EIF2AK1: variants seen among roughly 807,000 people sequenced by gnomAD.
EIF2AK1 encodes the protein eukaryotic translation initiation factor 2 alpha kinase 1.
In EIF2AK1, 54 loss-of-function variants were observed where a neutral mutation model predicts 77.9. The observed-to-expected ratio is 0.69, with a 90% CI of 0.56 to 0.87. The LOEUF (loss-of-function observed/expected upper bound fraction) is 0.87, where lower values mean the gene tolerates loss of function less well. EIF2AK1 is among the 40% of genes least tolerant of loss of function. The pLI is 0.00. For synonymous variants in EIF2AK1, 314 were observed against 290.5 expected, an observed-to-expected ratio of 1.08 and a Z score of -0.82; for missense variants, 810 against 768.6, an observed-to-expected ratio of 1.05 and a Z score of -0.64.
Position 6,046,083 on chromosome 7 carries a change from T to C in EIF2AK1, c.618A>G (p.Thr206=). ...TTAAAAATCATACCTTCATGCAAACTGTTTTAGTTGCACCCTTAATCAGGA... is the reference window on the plus strand; with the variant it reads ...TTAAAAATCATACCTTCATGCAAACCGTTTTAGTTGCACCCTTAATCAGGA... ...KKILIKGATK[T]VCMKVLREVK... Residue 206 remains threonine, a synonymous_variant, in exon 6 of 15, where the codon ACA becomes ACG. Coordinates refer to ENST00000199389, the MANE Select transcript of EIF2AK1 (RefSeq NM_014413.4). 1 of 1,549,424 alleles carries C rather than the reference T, an allele frequency of 6.5e-7. No homozygotes were observed. The highest frequency in any genetic ancestry group is 8.7e-7 in the Non-Finnish European group (1 of 1,144,604).
chr7:6,040,363 G>C (rs528788822), intron 9 of EIF2AK1, among the ~76,000 whole-genome samples: 1 of 152,064 alleles, frequency 6.6e-6, no homozygotes, highest in Non-Finnish European at 1.5e-5. Context: ...TAATGTTCAT[G>C]TTTTTAATAT....
At chr7:6,034,170 G>T (rs1047159255) in intron 11 of EIF2AK1, among the ~76,000 whole-genome samples, 5 of 152,034 alleles carry the variant, frequency 3.3e-5, no homozygotes, top group Non-Finnish European at 7.4e-5. Context: ...AGCCAGGCGT[G>T]GTGGCGGGCG....
Position 6,035,633 on chromosome 7 carries a change from A to C in EIF2AK1, c.1332+1791T>G, listed in dbSNP as rs1037936740. Reference sequence around the variant, plus strand: ...ACACTCAAGGGGAAATCAGCAACAAACGTTCACCACTCCACCTGGCCATAG... The same window carrying C: ...ACACTCAAGGGGAAATCAGCAACAACCGTTCACCACTCCACCTGGCCATAG... On this transcript the variant is annotated intron_variant, in intron 11 of 14. Coordinates refer to ENST00000199389, the MANE Select transcript of EIF2AK1 (RefSeq NM_014413.4). The surrounding 1 kb of genome is among the most constrained non-coding windows in gnomAD (Gnocchi z 5.5). The C allele has an allele frequency of 6.4e-6, 10 of 1,550,592 alleles. No individual in the cohort carries two copies. Among genetic ancestry groups the C allele is most frequent in the East Asian group, 2.4e-5 (1 of 40,922 alleles).
rs905817552 is a variant in EIF2AK1 at position 6,035,939 on chromosome 7, A to G, written c.1332+1485T>C. The G allele has an allele frequency of 5.6e-5, 87 of 1,547,734 alleles. No individual in the cohort carries two copies. The highest frequency in any genetic ancestry group is 7.2e-5 in the Non-Finnish European group (82 of 1,145,130). ...GTCTGCTACTCACTCACGGAGCCAA[A>G]GTCAACGCCCAGGACTACAAGGGCC... is the stretch of plus-strand genomic sequence containing the variant. On this transcript the variant is annotated intron_variant, in intron 11 of 14. Coordinates refer to ENST00000199389, the MANE Select transcript of EIF2AK1 (RefSeq NM_014413.4). This position sits in a 1 kb window ranked among gnomAD's most constrained non-coding sequence, Gnocchi z 5.5.
chr7:6,052,885 C>G (rs12668872), intron 2 of EIF2AK1, among the ~76,000 whole-genome samples: 13,456 of 151,988 alleles, frequency 0.089, 734 homozygotes, highest in African/African-American at 0.15. Flanking sequence ...ATCACTTGAA[C>G]CCGGGGGGCG....
intron 9 of EIF2AK1, among the ~76,000 whole-genome samples, chr7:6,039,724 C>A (rs909784812): frequency 4.0e-5 from 6 of 150,970 alleles, no homozygotes; most frequent in Non-Finnish European, 8.8e-5. Flanking sequence ...CACCTGAGGT[C>A]AGGACTTTGA....
At position 6,035,638 on chromosome 7, in the gene EIF2AK1, C is replaced by G; in HGVS notation, c.1332+1786G>C. 6.4e-7 allele frequency: 1 copy of G among 1,550,704 alleles called. No homozygotes were observed. Among genetic ancestry groups the G allele is most frequent in the East Asian group, 2.4e-5 (1 of 40,914 alleles). ...CAAGGGGAAATCAGCAACAAACGTT[C>G]ACCACTCCACCTGGCCATAGCATAT... On this transcript the variant is annotated intron_variant, in intron 11 of 14. Transcript: ENST00000199389. This position sits in a 1 kb window ranked among gnomAD's most constrained non-coding sequence, Gnocchi z 5.5.
At chr7:6,049,162 C>T (rs1164575533) in intron 3 of EIF2AK1, among the ~76,000 whole-genome samples, 2 of 152,264 alleles carry the variant, frequency 1.3e-5, no homozygotes, top group Admixed American at 6.5e-5. Flanking sequence ...CCATTCGCAA[C>T]ACAGCAGCCA....
intron 11 of EIF2AK1, among the ~76,000 whole-genome samples, 198 bp downstream of exon 11, chr7:6,037,226 G>A (rs537561146): frequency 4.0e-5 from 6 of 149,950 alleles, no homozygotes; most frequent in Admixed American, 3.3e-4. Context: ...GCGAAATGCT[G>A]TCTCAAAAAA....
In EIF2AK1 at chr7:6,027,834, G is replaced by A. The variant is rs1583474894; in HGVS notation, c.1530+781C>T. The stretch of plus-strand genomic sequence containing the variant: ...AATCCCAGCACTTTGGGAGGCCAAG[G>A]GAGGAGAATCATTTGAGGCCAGGAG... On this transcript the variant is annotated intron_variant, in intron 13 of 14. Coordinates refer to ENST00000199389, the MANE Select transcript of EIF2AK1 (RefSeq NM_014413.4). The surrounding 1 kb of genome is among the most constrained non-coding windows in gnomAD (Gnocchi z 4.5). 6 of 366,870 alleles carry A rather than the reference G, an allele frequency of 1.6e-5. No individual in the cohort carries two copies. Among genetic ancestry groups the A allele is most frequent in the East Asian group, 1.9e-4 (2 of 10,806 alleles). The allele number at this position is 366,870 out of a possible 1,614,324, so 22.7% of individuals were successfully genotyped here. A position where few individuals can be genotyped will look rare whatever the true frequency, so the allele number is the denominator to read the frequency against.
rs570176800 is a variant in EIF2AK1 at position 6,035,583 on chromosome 7, T to C, written c.1332+1841A>G. The C allele has an allele frequency of 4.5e-6, 7 of 1,551,152 alleles. No homozygotes were observed. On this transcript the variant is annotated intron_variant, in intron 11 of 14. Transcript: ENST00000199389. This position sits in a 1 kb window ranked among gnomAD's most constrained non-coding sequence, Gnocchi z 5.5. The stretch of plus-strand genomic sequence containing the variant: ...TAGCAGCATCACATGTCTCCGCATC[T>C]TGTGTGCGCACGGAGCTCAAGTGAA...
At position 6,046,986 on chromosome 7, in the gene EIF2AK1, G is replaced by A. The variant is rs41282679; in HGVS notation, c.549+6C>T. 3.0e-3 allele frequency: 4,827 copies of A among 1,602,412 alleles called. 9 individuals are homozygous for A. Among genetic ancestry groups the A allele is most frequent in the Non-Finnish European group, 3.8e-3 (4,470 of 1,174,708 alleles). ...AGTAGGTCAAAACAAGTACGTGGAA[G>A]ACAACCTTGTATACTCTTCCGTATC... is the stretch of plus-strand genomic sequence containing the variant. On this transcript the variant is annotated splice_donor_region_variant and intron_variant, in intron 5 of 14. Transcript: ENST00000199389.
Position 6,046,154 on chromosome 7 carries a change from GA to G in EIF2AK1, c.550-4del. 6.8e-7 allele frequency: 1 copy of G among 1,478,192 alleles called. No homozygotes were observed. 91.6% of individuals were successfully genotyped at this position (1,478,192 alleles called of 1,614,324 possible). A position where few individuals can be genotyped will look rare whatever the true frequency, so the allele number is the denominator to read the frequency against. On this transcript the variant is annotated splice_region_variant and splice_polypyrimidine_tract_variant and intron_variant, in intron 5 of 14. Coordinates refer to ENST00000199389, the MANE Select transcript of EIF2AK1 (RefSeq NM_014413.4). Reference sequence around the variant, plus strand: ...TGACCATCTAATTTATTCCTGACCTGAAAAGTAGAAAAAAAGACAAAGTATA... The same window carrying G: ...TGACCATCTAATTTATTCCTGACCTGAAAGTAGAAAAAAAGACAAAGTATA...
chr7:6,052,530 C>T (rs970274369), intron 2 of EIF2AK1, among the ~76,000 whole-genome samples: 1 of 136,066 alleles, frequency 7.3e-6, no homozygotes, highest in African/African-American at 2.8e-5. Context: ...TAACTAAAAA[C>T]GCATTCAGTT....
At position 6,032,450 on chromosome 7, in the gene EIF2AK1, C is replaced by T. The variant is rs1360051747; in HGVS notation, c.1333-3418G>A. On this transcript the variant is annotated intron_variant, in intron 11 of 14. Coordinates refer to ENST00000199389, the MANE Select transcript of EIF2AK1 (RefSeq NM_014413.4). This position sits in a 1 kb window ranked among gnomAD's most constrained non-coding sequence, Gnocchi z 4.3. Reference sequence around the variant, plus strand: ...GATTCAGGTTTTACTGCTGATAATACGACTTTGGCAACGACACAGCACCTA... The same window carrying T: ...GATTCAGGTTTTACTGCTGATAATATGACTTTGGCAACGACACAGCACCTA... Among the ~76,000 whole-genome samples, 1 of 152,302 alleles carries T rather than the reference C, an allele frequency of 6.6e-6. No individual in the cohort carries two copies. The highest frequency in any genetic ancestry group is 1.9e-4 in the East Asian group (1 of 5,184).
chr7:6,036,650 G>C lies in EIF2AK1; in HGVS notation c.1332+774C>G, dbSNP rs189709751. Among the ~76,000 whole-genome samples the C allele has an allele frequency of 6.0e-5, 9 of 150,834 alleles. No homozygotes were observed. The highest frequency in any genetic ancestry group is 2.2e-4 in the African/African-American group (9 of 40,938). Reference sequence around the variant, plus strand: ...ATTAATTTAAATCTCTTCAGCCAAAGACACAAATATATTTTCTCTCTTTCT... The same window carrying C: ...ATTAATTTAAATCTCTTCAGCCAAACACACAAATATATTTTCTCTCTTTCT... On this transcript the variant is annotated intron_variant, in intron 11 of 14. Coordinates refer to ENST00000199389, the MANE Select transcript of EIF2AK1 (RefSeq NM_014413.4). This position sits in a 1 kb window ranked among gnomAD's most constrained non-coding sequence, Gnocchi z 4.6.
rs1441243938 is a variant in EIF2AK1, at chr7:6,029,489, G to A, written c.1333-457C>T. The stretch of plus-strand genomic sequence containing the variant: ...GCCTGGGCAACAAGAGCAAAACCCT[G>A]TCTCAAAAAAAAAAAAACCTCAACA... On this transcript the variant is annotated intron_variant, in intron 11 of 14. Transcript: ENST00000199389. Among the ~76,000 whole-genome samples the A allele has an allele frequency of 4.0e-5, 6 of 149,794 alleles. No individual in the cohort carries two copies. The South Asian group carries it at 6.3e-4, about 16-fold the overall frequency.
intron 2 of EIF2AK1, among the ~76,000 whole-genome samples, chr7:6,052,202 AG>A (rs1224389769): frequency 2.0e-5 from 3 of 150,950 alleles, no homozygotes; most frequent in Non-Finnish European, 4.4e-5. Flanking sequence ...TCATCTAAAG[AG>A]GCTGTATATA....
At chr7:6,042,313 T>G (rs1788320805) in intron 8 of EIF2AK1, among the ~76,000 whole-genome samples, 1 of 151,556 alleles carries the variant, frequency 6.6e-6, no homozygotes, top group Admixed American at 6.6e-5. Flanking sequence ...TAGCCAGGCA[T>G]GGTGGTGCAG....
Sources: gnomAD v4.1 joint callset for allele counts (sites outside exome capture counted in the v4.1 genomes callset) on GRCh38, gnomAD v4.1.1 for gene constraint, Gnocchi (gnomAD v3.1) non-coding constraint, MANE v1.5 for transcripts, NCBI Gene and HGNC (gene_info 2026-07-23, HGNC 2026-07-21) for gene names.